The following ZFPM1 variants were observed in gnomAD, a reference collection of about 807,000 sequenced individuals.
ZFPM1 encodes zinc finger protein, FOG family member 1, also known as zinc finger protein ZFPM1.
ZFPM1 carries 28 observed loss-of-function variants against 46.3 expected under a neutral mutation model. That is an observed-to-expected ratio of 0.60 (90% CI 0.45 to 0.83). The LOEUF is 0.83. Among genes scored for constraint, ZFPM1 ranks in the 40% least tolerant of loss-of-function variants. The pLI is 0.00. For missense variants in ZFPM1, 1,878 were observed against 1,432.4 expected, an observed-to-expected ratio of 1.31 and a Z score of -5.02; for synonymous variants, 957 against 675.9, an observed-to-expected ratio of 1.42 and a Z score of -6.45.
chr16:88,481,264 A>G (rs1412746555), intron 1 of ZFPM1, among the ~76,000 whole-genome samples: 1 of 152,150 alleles, frequency 6.6e-6, no homozygotes, highest in African/African-American at 2.4e-5. Context: ...AGCCTTGGCC[A>G]CTGACCTCTG....
At chr16:88,519,506 G>A (rs1255001825) in intron 4 of ZFPM1, among the ~76,000 whole-genome samples, 2 of 150,500 alleles carry the variant, frequency 1.3e-5, no homozygotes, top group East Asian at 2.0e-4. Context: ...ATGAGTGGGT[G>A]GGTAGATAGA....
At position 88,516,327 on chromosome 16, in the gene ZFPM1, G is replaced by A. The variant is rs1014649170; in HGVS notation, c.402+1807G>A. ...CACCCCTCCCTGTCCGCCTGCCTCC[G>A]CATTTAGTCCTGCTCTGGCCTAGGG... On this transcript the variant is annotated intron_variant, in intron 4 of 9. Coordinates refer to ENST00000319555, the MANE Select transcript of ZFPM1 (RefSeq NM_153813.3). 20 of 397,876 alleles carry A rather than the reference G, an allele frequency of 5.0e-5. No homozygotes were observed. The South Asian group carries it at 1.8e-3, about 36-fold the overall frequency. 24.6% of individuals were successfully genotyped at this position (397,876 alleles called of 1,614,324 possible).
rs1474468637 is a variant in ZFPM1, at chr16:88,533,648, G to A, written c.1690G>A (p.Gly564Ser). ...LQQGAGAGAG[G>S]AQTGLFPGAP... Reference sequence around the variant, plus strand: ...GCAGGGCGCGGGCGCGGGCGCCGGCGGCGCGCAGACCGGGCTCTTCCCCGG... The same window carrying A: ...GCAGGGCGCGGGCGCGGGCGCCGGCAGCGCGCAGACCGGGCTCTTCCCCGG... The change falls in exon 10 of 10, where the codon GGC becomes AGC. Residue 564 changes from glycine (G) to serine (S), a missense_variant. By Grantham distance (56) the Gly-to-Ser change is moderately conservative (BLOSUM62 0). Coordinates refer to ENST00000319555, the MANE Select transcript of ZFPM1 (RefSeq NM_153813.3). 6 of 1,467,238 alleles carry A rather than the reference G, an allele frequency of 4.1e-6. No homozygotes were observed. Among genetic ancestry groups the A allele is most frequent in the Non-Finnish European group, 5.4e-6 (6 of 1,106,932 alleles). The allele number at this position is 1,467,238 out of a possible 1,614,324, so 90.9% of individuals were successfully genotyped here. A position where few individuals can be genotyped will look rare whatever the true frequency, so the allele number is the denominator to read the frequency against.
At chr16:88,475,279 G>C (rs1314823806) in intron 1 of ZFPM1, among the ~76,000 whole-genome samples, 1 of 152,202 alleles carries the variant, frequency 6.6e-6, no homozygotes, top group Admixed American at 6.5e-5. Flanking sequence ...GCCCTGGGGG[G>C]CCATCAGAGG....
chr16:88,471,948 G>A lies in ZFPM1; in HGVS notation c.41-13991G>A, dbSNP rs182905022. Among the ~76,000 whole-genome samples the A allele has an allele frequency of 1.1e-4, 17 of 152,350 alleles. No individual in the cohort carries two copies. Among genetic ancestry groups the A allele is most frequent in the African/African-American group, 3.4e-4 (14 of 41,588 alleles). ...CCTTGGGTGGGCCGGGGCAGGGGCC[G>A]TGTGGTCTGCAGGGAGTGGAGCCAG... On this transcript the variant is annotated intron_variant, in intron 1 of 9. Transcript: ENST00000319555. The surrounding 1 kb of genome is among the most constrained non-coding windows in gnomAD (Gnocchi z 4.1).
rs201400586 is a variant in ZFPM1 at position 88,528,226 on chromosome 16, G to T, written c.700G>T (p.Ala234Ser). 6.2e-7 allele frequency: 1 copy of T among 1,608,088 alleles called. No homozygotes were observed. Among genetic ancestry groups the T allele is most frequent in the Non-Finnish European group, 8.5e-7 (1 of 1,178,288 alleles). ...QAGMASILAT[A>S]VINKDVFPCK... is the part of the protein sequence containing the mutation. Reference sequence around the variant, plus strand: ...CGGGATGGCCTCCATCCTTGCCACCGCAGTGATCAACAGTAAGTGCTGGGC... The same window carrying T: ...CGGGATGGCCTCCATCCTTGCCACCTCAGTGATCAACAGTAAGTGCTGGGC... The change falls in exon 6 of 10, where the codon GCA (alanine) becomes TCA (serine). Residue 234 changes from alanine (A) to serine (S), a missense_variant. Transcript: ENST00000319555.
intron 4 of ZFPM1, among the ~76,000 whole-genome samples, chr16:88,519,384 G>A (rs1911635075): frequency 6.6e-6 from 1 of 150,924 alleles, no homozygotes; most frequent in African/African-American, 2.4e-5. Flanking sequence ...TAGATGGATA[G>A]GTGGATGGAT....
At chr16:88,499,682 T>C (rs76174423) in intron 3 of ZFPM1, among the ~76,000 whole-genome samples, 7,337 of 152,240 alleles carry the variant, frequency 0.048, 231 homozygotes, top group South Asian at 0.11. Flanking sequence ...GAGAAAGGGC[T>C]TGGCTGAAGT....
At chr16:88,485,168 G>A (rs918709992) in intron 1 of ZFPM1, among the ~76,000 whole-genome samples, 27 of 152,166 alleles carry the variant, frequency 1.8e-4, no homozygotes, top group Admixed American at 1.4e-3. Flanking sequence ...CCGTGGCGAC[G>A]GCGACCCTCA....
At chr16:88,472,215 TGCCCACAGGG>T (rs72120282) in intron 1 of ZFPM1, among the ~76,000 whole-genome samples, 4,087 of 152,094 alleles carry the variant, frequency 0.027, 184 homozygotes, top group African/African-American at 0.094. Context: ...GCAGGGCAGG[TGCCCACAGGG>T]TGGGGCACAC....
chr16:88,475,516 G>GC (rs199518495), intron 1 of ZFPM1, among the ~76,000 whole-genome samples: 3 of 151,978 alleles, frequency 2.0e-5, no homozygotes, highest in African/African-American at 7.3e-5. Flanking sequence ...AGGGGTCCGG[G>GC]GGGGGGAGCA....
At chr16:88,501,679 G>A (rs1221866643) in intron 3 of ZFPM1, among the ~76,000 whole-genome samples, 1 of 146,324 alleles carries the variant, frequency 6.8e-6, no homozygotes, top group Non-Finnish European at 1.5e-5. Flanking sequence ...AGAGATAGCG[G>A]GTGTGGGTGC....
intron 4 of ZFPM1, among the ~76,000 whole-genome samples, chr16:88,517,823 T>C (rs1911448831): frequency 6.8e-6 from 1 of 146,734 alleles, no homozygotes; most frequent in African/African-American, 2.6e-5. Context: ...GGTGGGTAGA[T>C]GGATGGATGG....
intron 1 of ZFPM1, among the ~76,000 whole-genome samples, chr16:88,477,746 A>G (rs994119014): frequency 1.3e-5 from 2 of 152,288 alleles, no homozygotes; most frequent in Non-Finnish European, 2.9e-5. Context: ...ATGGGGATGC[A>G]GTTGGTTGTA....
chr16:88,484,933 T>C (rs1909135987), intron 1 of ZFPM1, among the ~76,000 whole-genome samples: 1 of 152,146 alleles, frequency 6.6e-6, no homozygotes, highest in African/African-American at 2.4e-5. Context: ...CCCACCCCGA[T>C]GTGTGAGTCT....
intron 3 of ZFPM1, among the ~76,000 whole-genome samples, chr16:88,498,300 C>A (rs1312196138): frequency 6.6e-6 from 1 of 152,220 alleles, no homozygotes; most frequent in African/African-American, 2.4e-5. Flanking sequence ...CGCAGCCACG[C>A]CCCTTCCCCG....
chr16:88,515,933 C>A (rs1402422979), intron 4 of ZFPM1, among the ~76,000 whole-genome samples: 1 of 152,070 alleles, frequency 6.6e-6, no homozygotes, highest in Non-Finnish European at 1.5e-5. Flanking sequence ...GGGCTAGGAG[C>A]TCCGTGGCTC....
At position 88,534,211 on chromosome 16, in the gene ZFPM1, G is replaced by C. The variant is rs1440072779; in HGVS notation, c.2253G>C (p.Ala751=). The change falls in exon 10 of 10, where the codon GCG becomes GCC. Residue 751 remains alanine, a synonymous_variant. Transcript: ENST00000319555. ...GCCGCAAGCTCTACGAGCTGCACGC[G>C]GCCGGCGCCCCGCCCCCCCCGCCGC... The part of the protein sequence containing the change: ...RRRRKLYELH[A]AGAPPPPPPG... The C allele has an allele frequency of 4.5e-5, 44 of 980,682 alleles. No individual in the cohort carries two copies. The African/African-American group carries it at 6.8e-4, about 15-fold the overall frequency. 60.7% of individuals were successfully genotyped at this position (980,682 alleles called of 1,614,324 possible).
rs111261816 is a variant in ZFPM1, at chr16:88,504,122, C to CA, written c.269-10264dup. Among the ~76,000 whole-genome samples, 329 of 152,094 alleles carry CA rather than the reference C, an allele frequency of 2.2e-3. 1 individual carries two copies. Among genetic ancestry groups the CA allele is most frequent in the Middle Eastern group, 0.01 (3 of 292 alleles). ...CCCTCTCCCATTTATGAAGCACAGA[C>CA]AGAGTCCCCAGGGGGCAAATGAACA... On this transcript the variant is annotated intron_variant, in intron 3 of 9. Coordinates refer to ENST00000319555, the MANE Select transcript of ZFPM1 (RefSeq NM_153813.3).
Sources: gnomAD v4.1 joint callset for allele counts (sites outside exome capture counted in the v4.1 genomes callset) on GRCh38, gnomAD v4.1.1 for gene constraint, Gnocchi (gnomAD v3.1) non-coding constraint, MANE v1.5 for transcripts, NCBI Gene and HGNC (gene_info 2026-07-23, HGNC 2026-07-21) for gene names.